MEGF10: variants seen among roughly 807,000 people sequenced by gnomAD.
MEGF10 encodes multiple epidermal growth factor-like domains protein 10.
In MEGF10, 86 loss-of-function variants were observed where a neutral mutation model predicts 147.5. That is an observed-to-expected ratio of 0.58 (90% CI 0.49 to 0.70). MEGF10 has a LOEUF of 0.70. Among genes scored for constraint, MEGF10 ranks in the 30% least tolerant of loss-of-function variants. The pLI is 0.00. For synonymous variants in MEGF10, 478 were observed against 525.5 expected (o/e 0.91, Z 1.24); for missense variants, 1,329 against 1,487.3 (o/e 0.89, Z 1.75).
chr5:127,422,248 C>T (rs1034323750), intron 12 of MEGF10, among the ~76,000 whole-genome samples: 1 of 152,014 alleles, frequency 6.6e-6, no homozygotes, highest in African/African-American at 2.4e-5. Context: ...TGGCTGGGTG[C>T]GGTGGCTCAC....
At chr5:127,343,065 G>T (rs890763550) in intron 4 of MEGF10, among the ~76,000 whole-genome samples, 26 of 151,982 alleles carry the variant, frequency 1.7e-4, no homozygotes, top group African/African-American at 5.8e-4. Flanking sequence ...GCACAAGTGA[G>T]GCAAGCTTGT....
chr5:127,373,627 C>A (rs1341858722), intron 5 of MEGF10, among the ~76,000 whole-genome samples: 2 of 152,086 alleles, frequency 1.3e-5, no homozygotes, highest in East Asian at 3.8e-4. Flanking sequence ...AAACCAAGAT[C>A]TAGGTGCTGG....
intron 8 of MEGF10, among the ~76,000 whole-genome samples, chr5:127,406,538 T>C (rs1163652134): frequency 6.6e-6 from 1 of 152,192 alleles, no homozygotes; most frequent in African/African-American, 2.4e-5. Flanking sequence ...GGTCTTAATT[T>C]GCCATTTCCC....
chr5:127,308,257 T>C (rs1760105749), intron 1 of MEGF10, among the ~76,000 whole-genome samples: 1 of 152,066 alleles, frequency 6.6e-6, no homozygotes, highest in South Asian at 2.1e-4. Flanking sequence ...AAAATCCAAA[T>C]TAGGGAAATA....
At position 127,445,486 on chromosome 5, in the gene MEGF10, A is replaced by G; in HGVS notation, c.2521A>G (p.Ser841Gly). 6.2e-7 allele frequency: 1 copy of G among 1,614,102 alleles called. No homozygotes were observed. Among genetic ancestry groups the G allele is most frequent in the Non-Finnish European group, 8.5e-7 (1 of 1,179,998 alleles). Residue 841 changes from serine (S) to glycine (G), a missense_variant, in exon 20 of 25, where the codon AGC (serine) becomes GGC (glycine). Coordinates refer to ENST00000503335, the MANE Select transcript of MEGF10 (RefSeq NM_001256545.2). The part of the protein sequence containing the change: ...AGVIIVGNLN[S>G]LSRTSTALPA... ...TGTTATCATAGTTGGAAATCTGAAC[A>G]GCTTAAGCCGAACCAGTACTGCTCT...
At chr5:127,389,682 A>G (rs1351335140) in intron 5 of MEGF10, among the ~76,000 whole-genome samples, 1 of 152,234 alleles carries the variant, frequency 6.6e-6, no homozygotes, top group African/African-American at 2.4e-5. Flanking sequence ...AGAAAACAAA[A>G]TACTGCATGT....
intron 6 of MEGF10, among the ~76,000 whole-genome samples, chr5:127,398,434 G>A (rs964456252): frequency 1.3e-5 from 2 of 152,110 alleles, no homozygotes; most frequent in Non-Finnish European, 2.9e-5. Flanking sequence ...TTCTCAGATA[G>A]GATAGCTTCT....
At chr5:127,310,609 G>A (rs959650354) in intron 1 of MEGF10, among the ~76,000 whole-genome samples, 2 of 152,116 alleles carry the variant, frequency 1.3e-5, no homozygotes, top group African/African-American at 4.8e-5. Context: ...TGTTTGGAGA[G>A]TGGCCTTTTT....
At chr5:127,294,800 A>AATG (rs1759419685) in intron 1 of MEGF10, among the ~76,000 whole-genome samples, 2 of 45,560 alleles carry the variant, frequency 4.4e-5, no homozygotes, top group Non-Finnish European at 7.0e-5. Flanking sequence ...CTCTGTCTCA[A>AATG]ATAATAATAA....
intron 1 of MEGF10, among the ~76,000 whole-genome samples, chr5:127,303,100 G>A (rs1396913512): frequency 6.6e-6 from 1 of 152,100 alleles, no homozygotes; most frequent in East Asian, 1.9e-4. Context: ...ACTTTGGGAG[G>A]CCAAGGTGGG....
the MEGF10 span, among the ~76,000 whole-genome samples, chr5:127,274,035 A>G: frequency 5.3e-5 from 8 of 152,328 alleles, no homozygotes; most frequent in Admixed American, 2.6e-4. Flanking sequence ...TCCACTGGAC[A>G]GCTCTGGATG....
chr5:127,446,409 C>T (rs995851636), intron 20 of MEGF10, among the ~76,000 whole-genome samples: 1 of 152,144 alleles, frequency 6.6e-6, no homozygotes, highest in African/African-American at 2.4e-5. Flanking sequence ...AGCTGATTTA[C>T]ATAGTAGTGC....
At chr5:127,269,914 T>G in the MEGF10 span, among the ~76,000 whole-genome samples, 9 of 151,944 alleles carry the variant, frequency 5.9e-5, no homozygotes, top group African/African-American at 2.2e-4. Context: ...CAGAAGAGAG[T>G]GGGGGCCAAT....
At chr5:127,371,243 G>A (rs1327730326) in intron 5 of MEGF10, among the ~76,000 whole-genome samples, 1 of 140,794 alleles carries the variant, frequency 7.1e-6, no homozygotes, top group East Asian at 2.1e-4. Context: ...GTGTGTGTGT[G>A]TGTCTTTCTG....
At chr5:127,309,158 G>A (rs1052483912) in intron 1 of MEGF10, among the ~76,000 whole-genome samples, 2 of 152,232 alleles carry the variant, frequency 1.3e-5, no homozygotes, top group African/African-American at 2.4e-5. Context: ...ATTCATGAAT[G>A]TCTGTCTTAA....
At chr5:127,418,206 T>C (rs900497593) in intron 10 of MEGF10, among the ~76,000 whole-genome samples, 3 of 152,238 alleles carry the variant, frequency 2.0e-5, no homozygotes, top group African/African-American at 4.8e-5. Context: ...GCATTTGTAA[T>C]GTATTTACAT....
At chr5:127,401,420 G>C (rs984339998) in intron 7 of MEGF10, among the ~76,000 whole-genome samples, 3 of 152,176 alleles carry the variant, frequency 2.0e-5, no homozygotes, top group Non-Finnish European at 4.4e-5. Context: ...CCTGTTTGTA[G>C]ATAGCTAGAA....
At position 127,400,759 on chromosome 5, in the gene MEGF10, G is replaced by A. The variant is rs907708036; in HGVS notation, c.781-1787G>A. Among the ~76,000 whole-genome samples, 8 of 152,198 alleles carry A rather than the reference G, an allele frequency of 5.3e-5. No homozygotes were observed. In the East Asian group the frequency reaches 5.8e-4, roughly 11 times the overall value. ...AGGCTTGGGTTATGAGTCCCAGCAC[G>A]TGGACAGATGGACCCCTCCCTAGCA... On this transcript the variant is annotated intron_variant, in intron 7 of 24. Transcript: ENST00000503335.
intron 4 of MEGF10, among the ~76,000 whole-genome samples, chr5:127,341,815 T>C (rs1359736719): frequency 6.6e-6 from 1 of 152,214 alleles, no homozygotes; most frequent in Non-Finnish European, 1.5e-5. Context: ...ATTATAAATA[T>C]TTGTTTAATC....
Sources: gnomAD v4.1 joint callset for allele counts (sites outside exome capture counted in the v4.1 genomes callset) on GRCh38, gnomAD v4.1.1 for gene constraint, MANE v1.5 for transcripts, NCBI Gene and HGNC (gene_info 2026-07-23, HGNC 2026-07-21) for gene names.